The following ZNF438 variants were observed in gnomAD, a reference collection of about 807,000 sequenced individuals.
ZNF438 encodes the protein zinc finger protein 438.
A neutral mutation model predicts 38.0 loss-of-function variants in ZNF438; 25 were observed. The observed-to-expected ratio is 0.66, with a 90% CI of 0.48 to 0.92. The LOEUF (loss-of-function observed/expected upper bound fraction) is 0.92, where lower values mean the gene tolerates loss of function less well. ZNF438 is among the 40% of genes least tolerant of loss of function. ZNF438 has a pLI of 0.00. For missense variants in ZNF438, 1,007 were observed against 999.6 expected (o/e 1.01, Z -0.10); for synonymous variants, 372 against 364.1 (o/e 1.02, Z -0.25).
chr10:30,910,423 A>G (rs2042961079), intron 2 of ZNF438: 1 of 152,110 alleles, frequency 6.6e-6, no homozygotes, highest in Non-Finnish European at 1.5e-5. Context: ...CTGTTCCTCC[A>G]CTCCCAGGAT....
At chr10:30,858,417 T>G (rs560749194) in intron 4 of ZNF438, among the ~76,000 whole-genome samples, 18 of 152,064 alleles carry the variant, frequency 1.2e-4, no homozygotes, top group African/African-American at 4.3e-4. Flanking sequence ...CACAAGGGAG[T>G]GCAACTTAAT....
At chr10:30,938,987 G>C (rs1564686400) in intron 2 of ZNF438, among the ~76,000 whole-genome samples, 1 of 151,920 alleles carries the variant, frequency 6.6e-6, no homozygotes, top group Admixed American at 6.6e-5. Context: ...GTAGAGACGG[G>C]GTTTCACCGT....
chr10:30,904,094 A>T (rs543481910), intron 3 of ZNF438, among the ~76,000 whole-genome samples: 1 of 152,264 alleles, frequency 6.6e-6, no homozygotes, highest in African/African-American at 2.4e-5. Flanking sequence ...CAAATAAAAA[A>T]CATTGTCTAA....
rs530818807 is a variant in ZNF438 at position 30,877,143 on chromosome 10, T to C, written c.-31-78A>G. 458 of 766,848 alleles carry C rather than the reference T, an allele frequency of 6.0e-4. 1 individual carries two copies. Among genetic ancestry groups the C allele is most frequent in the Admixed American group, 9.0e-4 (25 of 27,792 alleles). 47.5% of individuals were successfully genotyped at this position (766,848 alleles called of 1,614,324 possible). A position where few individuals can be genotyped will look rare whatever the true frequency, so the allele number is the denominator to read the frequency against. On this transcript the variant is annotated intron_variant, in intron 3 of 5. Coordinates refer to ENST00000413025, the Ensembl canonical transcript of ZNF438. ...TAATGCATACTAAATATAGAAATTC[T>C]AAGCTGTTTTTTAAAGTTTGTTTTA... is the stretch of plus-strand genomic sequence containing the variant.
chr10:30,849,494 T>G, exon 5 of ZNF438: 3 of 1,614,226 alleles, frequency 1.9e-6, no homozygotes, highest in Non-Finnish European at 2.5e-6. Context: ...TTTGTAAACC[T>G]CCATTGTCTT....
chr10:31,023,179 G>A (rs1047535103), intron 1 of ZNF438, among the ~76,000 whole-genome samples: 20 of 152,044 alleles, frequency 1.3e-4, no homozygotes, highest in African/African-American at 4.8e-4. Flanking sequence ...TCATAATGTT[G>A]ATCAGAATAC....
At chr10:30,994,340 T>G (rs1207566295) in intron 1 of ZNF438, among the ~76,000 whole-genome samples, 1 of 152,222 alleles carries the variant, frequency 6.6e-6, no homozygotes, top group Non-Finnish European at 1.5e-5. Flanking sequence ...GCAGAAGTAT[T>G]GAGAAGTAGT....
intron 3 of ZNF438, among the ~76,000 whole-genome samples, chr10:30,888,126 A>T (rs1214791485): frequency 6.6e-6 from 1 of 152,152 alleles, no homozygotes; most frequent in African/African-American, 2.4e-5. Context: ...TAAATGTTTT[A>T]ATATCTCTTG....
intron 1 of ZNF438, among the ~76,000 whole-genome samples, chr10:31,020,254 A>C (rs2056493976): frequency 6.6e-6 from 1 of 152,186 alleles, no homozygotes; most frequent in Non-Finnish European, 1.5e-5. Context: ...TGTAGTTTAG[A>C]GTTTATTCAA....
At chr10:30,997,575 ATTT>A (rs35100326) in intron 1 of ZNF438, among the ~76,000 whole-genome samples, 13 of 143,390 alleles carry the variant, frequency 9.1e-5, no homozygotes, top group Non-Finnish European at 7.7e-5. Context: ...ACAAAATCCT[ATTT>A]TTTTTTTTTT....
intron 1 of ZNF438, among the ~76,000 whole-genome samples, chr10:30,953,922 T>A (rs2135876960): frequency 6.6e-6 from 1 of 152,230 alleles, no homozygotes; most frequent in East Asian, 1.9e-4. Context: ...TGCGGATGGA[T>A]CATGAGGTCA....
At chr10:30,859,105 G>C (rs1483900917) in intron 4 of ZNF438, among the ~76,000 whole-genome samples, 1 of 152,122 alleles carries the variant, frequency 6.6e-6, no homozygotes, top group Non-Finnish European at 1.5e-5. Flanking sequence ...TTTTGAGACA[G>C]GGTCTCACTC....
intron 3 of ZNF438, among the ~76,000 whole-genome samples, chr10:30,890,972 T>C (rs1247578707): frequency 6.6e-6 from 1 of 152,232 alleles, no homozygotes; most frequent in Admixed American, 6.5e-5. Context: ...TTAAAGGCAA[T>C]ATTCCACTGT....
chr10:30,893,785 A>T (rs945626791), intron 3 of ZNF438, among the ~76,000 whole-genome samples: 2 of 152,188 alleles, frequency 1.3e-5, no homozygotes, highest in African/African-American at 4.8e-5. Context: ...GAAAAACTAT[A>T]AACAGGCTAT....
At chr10:31,001,271 C>G (rs957774757) in intron 1 of ZNF438, among the ~76,000 whole-genome samples, 3 of 152,194 alleles carry the variant, frequency 2.0e-5, no homozygotes, top group Non-Finnish European at 4.4e-5. Flanking sequence ...CTGTAGAACT[C>G]ATCGCTGATA....
chr10:30,962,700 G>C (rs1434053537), intron 1 of ZNF438, among the ~76,000 whole-genome samples: 1 of 147,300 alleles, frequency 6.8e-6, no homozygotes, highest in East Asian at 1.9e-4. Context: ...GAAGCAAGTT[G>C]GATATAGCTT....
At chr10:31,003,476 G>A (rs2054849417) in intron 1 of ZNF438, among the ~76,000 whole-genome samples, 1 of 152,248 alleles carries the variant, frequency 6.6e-6, no homozygotes, top group East Asian at 1.9e-4. Context: ...GAGGAACCCA[G>A]GAACTTGGCT....
chr10:31,011,272 T>C (rs1305597060), intron 1 of ZNF438, among the ~76,000 whole-genome samples: 1 of 152,120 alleles, frequency 6.6e-6, no homozygotes, highest in Non-Finnish European at 1.5e-5. Flanking sequence ...TCTCAGAAGG[T>C]GTCTCAAAGT....
chr10:30,886,352 GT>G (rs1252732438), intron 3 of ZNF438, among the ~76,000 whole-genome samples: 1 of 152,090 alleles, frequency 6.6e-6, no homozygotes, highest in Non-Finnish European at 1.5e-5. Flanking sequence ...CTTAGGTGTT[GT>G]TTGAAAATTT....
Sources: allele counts gnomAD v4.1 joint callset (sites outside exome capture counted in the v4.1 genomes callset), GRCh38; gene constraint gnomAD v4.1.1; transcripts MANE v1.5; gene names NCBI Gene and HGNC (gene_info 2026-07-23, HGNC 2026-07-21).